Variants in GRIK4 observed in about 807,000 individuals in gnomAD.
GRIK4 encodes the protein glutamate receptor ionotropic, kainate 4.
A neutral mutation model predicts 104.9 loss-of-function variants in GRIK4; 40 were observed. The ratio of observed to expected loss-of-function variants is 0.38; its 90% confidence interval spans 0.30 to 0.50. The LOEUF (loss-of-function observed/expected upper bound fraction) is 0.50. Ranked by LOEUF, GRIK4 falls within the 20% of genes least tolerant of loss-of-function variation. The pLI, the probability that GRIK4 is intolerant of heterozygous loss-of-function variation, is 0.93. For missense variants in GRIK4, 1,047 were observed against 1,308.1 expected (o/e 0.80, Z 3.08); for synonymous variants, 485 against 524.9 (o/e 0.92, Z 1.04).
chr11:120,957,592 T>TGTGTGTGTGTGTGTGTGTGG (rs1944189156), intron 16 of GRIK4, among the ~76,000 whole-genome samples: 1 of 27,138 alleles, frequency 3.7e-5, no homozygotes. Flanking sequence ...ACAAAACAAA[T>TGTGTGTGTGTGTGTGTGTGG]GTGTGTGTGT....
At chr11:120,788,856 C>T (rs949735698) in intron 3 of GRIK4, among the ~76,000 whole-genome samples, 6 of 152,026 alleles carry the variant, frequency 3.9e-5, no homozygotes, top group East Asian at 1.9e-4. Context: ...ATTCACTTCT[C>T]GGCCGCTCCT....
chr11:120,585,376 G>A (rs12282771), intron 1 of GRIK4, among the ~76,000 whole-genome samples: 14,663 of 147,266 alleles, frequency 0.1, 2,448 homozygotes, highest in African/African-American at 0.35. Flanking sequence ...GTGAGACAGA[G>A]TCTCACTCTG....
intron 18 of GRIK4, among the ~76,000 whole-genome samples, chr11:120,963,991 AT>A (rs372268908): frequency 2.3e-3 from 24 of 10,418 alleles, no homozygotes; most frequent in Admixed American, 0.021. Flanking sequence ...TTATTTATTT[AT>A]TTATTTTTAT....
intron 1 of GRIK4, among the ~76,000 whole-genome samples, chr11:120,523,585 C>A (rs1346452177): frequency 6.6e-6 from 1 of 152,218 alleles, no homozygotes; most frequent in Non-Finnish European, 1.5e-5. Flanking sequence ...CACGGCAGGT[C>A]TTATTAGTCC....
chr11:120,948,226 T>C (rs540001608), intron 14 of GRIK4, among the ~76,000 whole-genome samples: 2 of 152,326 alleles, frequency 1.3e-5, no homozygotes, highest in East Asian at 3.9e-4. Flanking sequence ...TGGGCACTGC[T>C]GGGAGTTGAC....
intron 1 of GRIK4, among the ~76,000 whole-genome samples, chr11:120,569,455 C>G (rs1336897673): frequency 6.6e-6 from 1 of 152,210 alleles, no homozygotes; most frequent in Non-Finnish European, 1.5e-5. Flanking sequence ...ACTATCATCC[C>G]CATTTTACAG....
At chr11:120,843,646 C>A (rs1013249364) in intron 8 of GRIK4, among the ~76,000 whole-genome samples, 5 of 152,236 alleles carry the variant, frequency 3.3e-5, no homozygotes, top group African/African-American at 1.2e-4. Flanking sequence ...CAAGTTGAGA[C>A]CCTCTTCACT....
chr11:120,773,023 T>C (rs962337036), intron 3 of GRIK4, among the ~76,000 whole-genome samples: 1 of 152,236 alleles, frequency 6.6e-6, no homozygotes, highest in African/African-American at 2.4e-5. Context: ...CCAACAATAA[T>C]AGCAGTATTA....
rs758779033 is a variant in GRIK4, at chr11:120,758,329, C to T, written c.83-44364C>T. Among the ~76,000 whole-genome samples, 9 of 152,322 alleles carry T rather than the reference C, an allele frequency of 5.9e-5. 1 individual carries two copies. Among genetic ancestry groups the T allele is most frequent in the African/African-American group, 1.4e-4 (6 of 41,568 alleles). On this transcript the variant is annotated intron_variant, in intron 3 of 20. Transcript: ENST00000527524. ...AGGGCTTCTTCATGCTCTGCCTCTA[C>T]GTTTGTCTTTTCCCAAAGGCCCTAA...
intron 9 of GRIK4, among the ~76,000 whole-genome samples, chr11:120,864,508 G>A (rs1032343298): frequency 1.3e-5 from 2 of 152,136 alleles, no homozygotes; most frequent in Non-Finnish European, 2.9e-5. Flanking sequence ...CCAAAGTGCT[G>A]GGATTACAGG....
At chr11:120,925,760 C>T (rs1354068881) in intron 13 of GRIK4, among the ~76,000 whole-genome samples, 3 of 152,026 alleles carry the variant, frequency 2.0e-5, no homozygotes, top group African/African-American at 4.8e-5. Context: ...CACCTGAGGT[C>T]GGGAGTTCAC....
chr11:120,547,801 TG>T (rs1948100500), intron 1 of GRIK4, among the ~76,000 whole-genome samples: 1 of 152,192 alleles, frequency 6.6e-6, no homozygotes, highest in Non-Finnish European at 1.5e-5. Context: ...CTGGGTTTAA[TG>T]TGCTGAATTT....
chr11:120,618,285 G>T (rs368944996), intron 1 of GRIK4, among the ~76,000 whole-genome samples: 51 of 152,172 alleles, frequency 3.4e-4, no homozygotes, highest in African/African-American at 1.1e-3. Context: ...TTTCGAAGTA[G>T]CAAAGCATTA....
At chr11:120,906,510 G>C (rs943664207) in intron 13 of GRIK4, among the ~76,000 whole-genome samples, 2 of 152,146 alleles carry the variant, frequency 1.3e-5, no homozygotes, top group Non-Finnish European at 2.9e-5. Context: ...GTGACTTGTC[G>C]GGAGCTATAC....
chr11:120,533,206 A>G (rs1300187402), intron 1 of GRIK4, among the ~76,000 whole-genome samples: 1 of 152,216 alleles, frequency 6.6e-6, no homozygotes, highest in African/African-American at 2.4e-5. Context: ...GCCTCCTAGC[A>G]GAGGGAAAAG....
At chr11:120,787,424 G>T (rs1288219967) in intron 3 of GRIK4, among the ~76,000 whole-genome samples, 1 of 151,446 alleles carries the variant, frequency 6.6e-6, no homozygotes, top group Middle Eastern at 3.4e-3. Flanking sequence ...TTCTTTTGAT[G>T]TTATTTTATT....
At chr11:120,752,372 C>A (rs908215892) in intron 3 of GRIK4, among the ~76,000 whole-genome samples, 2 of 152,190 alleles carry the variant, frequency 1.3e-5, no homozygotes, top group Admixed American at 1.3e-4. Context: ...GCAGAGCCCC[C>A]CCATGATCTG....
In GRIK4 at chr11:120,952,845, C is replaced by G; in HGVS notation, c.1591-10C>G. 1 of 1,589,606 alleles carries G rather than the reference C, an allele frequency of 6.3e-7. No homozygotes were observed. The highest frequency in any genetic ancestry group is 8.6e-7 in the Non-Finnish European group (1 of 1,157,614). On this transcript the variant is annotated splice_polypyrimidine_tract_variant and intron_variant, in intron 14 of 20. Transcript: ENST00000527524. The surrounding 1 kb of genome is among the most constrained non-coding windows in gnomAD (Gnocchi z 5.2). The stretch of plus-strand genomic sequence containing the variant: ...TGTGCGGTGAATCTTGTTTTTCTCT[C>G]CATTTCCAGGGACGCAAACCCGGCT...
At position 120,738,720 on chromosome 11, in the gene GRIK4, A is replaced by G. The variant is rs576320547; in HGVS notation, c.83-63973A>G. The stretch of plus-strand genomic sequence containing the variant: ...AGCCAACTGCTGAGACAGGATGCCA[A>G]GCAGATCAAAGCCGTCAGCTGGGAT... On this transcript the variant is annotated intron_variant, in intron 3 of 20. Coordinates refer to ENST00000527524, the MANE Select transcript of GRIK4 (RefSeq NM_014619.5). Among the ~76,000 whole-genome samples the G allele has an allele frequency of 9.2e-5, 14 of 152,320 alleles. No homozygotes were observed. The South Asian group carries it at 2.7e-3, about 29-fold the overall frequency.
Sources: gnomAD v4.1 joint callset for allele counts (sites outside exome capture counted in the v4.1 genomes callset) on GRCh38, gnomAD v4.1.1 for gene constraint, Gnocchi (gnomAD v3.1) non-coding constraint, MANE v1.5 for transcripts, NCBI Gene and HGNC (gene_info 2026-07-23, HGNC 2026-07-21) for gene names.